The following KDM4C variants were observed in gnomAD, a reference collection of about 807,000 sequenced individuals.
KDM4C encodes the protein lysine-specific demethylase 4C.
Under a neutral mutation model 129.3 loss-of-function variants are expected in KDM4C, and 81 were observed. The ratio of observed to expected loss-of-function variants is 0.63; its 90% CI spans 0.52 to 0.75. KDM4C has a LOEUF of 0.75. Among genes scored for constraint, KDM4C ranks in the 30% least tolerant of loss-of-function variants. The pLI, the probability that KDM4C is intolerant of heterozygous loss-of-function variation, is 0.00. For synonymous variants in KDM4C, 573 were observed against 456.1 expected (o/e 1.26, Z -3.26); for missense variants, 1,457 against 1,304.0 (o/e 1.12, Z -1.81).
intron 17 of KDM4C, among the ~76,000 whole-genome samples, chr9:7,092,240 A>AAGTAC (rs1835892951): frequency 6.6e-6 from 1 of 152,136 alleles, no homozygotes; most frequent in African/African-American, 2.4e-5. Context: ...TAATCCTCTG[A>AAGTAC]AGTACAGCTG....
intron 8 of KDM4C, among the ~76,000 whole-genome samples, chr9:6,944,635 T>G (rs1289081403): frequency 6.8e-6 from 1 of 146,392 alleles, no homozygotes; most frequent in Non-Finnish European, 1.5e-5. Context: ...AGCAACACAC[T>G]TTTTGTCAAG....
At chr9:6,879,696 GAGGGTCTCT>G (rs1230117495) in intron 5 of KDM4C, among the ~76,000 whole-genome samples, 1 of 152,206 alleles carries the variant, frequency 6.6e-6, no homozygotes, top group Non-Finnish European at 1.5e-5. Context: ...AGCTGGCACA[GAGGGTCTCT>G]AGGCTGTGAC....
At chr9:6,950,178 G>A (rs1283745107) in intron 8 of KDM4C, among the ~76,000 whole-genome samples, 1 of 149,160 alleles carries the variant, frequency 6.7e-6, no homozygotes, top group Non-Finnish European at 1.5e-5. Context: ...TAAATATTTT[G>A]AAATGATTAG....
chr9:6,949,454 G>A (rs1045087480), intron 8 of KDM4C, among the ~76,000 whole-genome samples: 2 of 152,174 alleles, frequency 1.3e-5, no homozygotes, highest in Admixed American at 6.5e-5. Flanking sequence ...CTGGGCAGAG[G>A]CTGTAATCTC....
At chr9:7,167,280 C>A (rs1424010843) in intron 20 of KDM4C, among the ~76,000 whole-genome samples, 3 of 152,150 alleles carry the variant, frequency 2.0e-5, no homozygotes, top group Non-Finnish European at 4.4e-5. Context: ...TGGGACCATC[C>A]CTGATTTTAG....
At chr9:6,926,367 A>C (rs1822559251) in intron 8 of KDM4C, among the ~76,000 whole-genome samples, 1 of 151,096 alleles carries the variant, frequency 6.6e-6, no homozygotes, top group African/African-American at 2.4e-5. Context: ...GACCAAAATA[A>C]AAATGAATGA....
intron 8 of KDM4C, among the ~76,000 whole-genome samples, chr9:6,935,491 A>C (rs1277668238): frequency 6.6e-6 from 1 of 151,078 alleles, no homozygotes; most frequent in East Asian, 1.9e-4. Context: ...ATCTCAGTTC[A>C]CTGCAATCTC....
intron 17 of KDM4C, among the ~76,000 whole-genome samples, chr9:7,087,089 CTT>C (rs56161284): frequency 2.1e-5 from 3 of 145,488 alleles, no homozygotes; most frequent in Non-Finnish European, 3.0e-5. Context: ...TTACGTGGCT[CTT>C]TTTTTTTTTT....
intron 8 of KDM4C, among the ~76,000 whole-genome samples, chr9:6,898,710 G>T (rs1208843426): frequency 6.6e-6 from 1 of 152,162 alleles, no homozygotes; most frequent in Non-Finnish European, 1.5e-5. Context: ...TAGCATGTAA[G>T]TGCCATGATG....
At chr9:6,850,929 A>G (rs899078362) in intron 5 of KDM4C, among the ~76,000 whole-genome samples, 2 of 141,708 alleles carry the variant, frequency 1.4e-5, no homozygotes, top group African/African-American at 2.7e-5. Flanking sequence ...TAATTTTTGT[A>G]TTTTTAGTAG....
At chr9:6,972,206 A>AG (rs1398472910) in intron 8 of KDM4C, among the ~76,000 whole-genome samples, 2 of 152,064 alleles carry the variant, frequency 1.3e-5, no homozygotes, top group South Asian at 2.1e-4. Flanking sequence ...CCATCTATTT[A>AG]GGGGGGAGCC....
At chr9:7,149,947 T>G (rs1293039758) in intron 19 of KDM4C, among the ~76,000 whole-genome samples, 1 of 152,148 alleles carries the variant, frequency 6.6e-6, no homozygotes, top group Non-Finnish European at 1.5e-5. Context: ...CTTTCAGGAG[T>G]TGAACTTGGA....
chr9:6,986,060 G>T (rs772003769), intron 10 of KDM4C, among the ~76,000 whole-genome samples: 3 of 152,164 alleles, frequency 2.0e-5, no homozygotes, highest in Non-Finnish European at 4.4e-5. Context: ...TTTTGCCTAA[G>T]GGCCCTGAAT....
At chr9:7,066,312 G>C (rs138020300) in intron 17 of KDM4C, among the ~76,000 whole-genome samples, 1 of 152,038 alleles carries the variant, frequency 6.6e-6, no homozygotes, top group Non-Finnish European at 1.5e-5. Context: ...TCTCCACCCC[G>C]CAAAGGATTT....
At chr9:7,156,720 T>C (rs1160217921) in intron 19 of KDM4C, among the ~76,000 whole-genome samples, 1 of 152,254 alleles carries the variant, frequency 6.6e-6, no homozygotes, top group Admixed American at 6.5e-5. Context: ...ATATCTCTGT[T>C]TTGGTACCAG....
chr9:6,817,750 A>G (rs1172008802), intron 4 of KDM4C, among the ~76,000 whole-genome samples: 2 of 150,740 alleles, frequency 1.3e-5, no homozygotes, highest in Non-Finnish European at 2.9e-5. Flanking sequence ...TAAGGTTATC[A>G]AACAGGAATA....
At chr9:6,721,438 G>A (rs13292272) in intron 1 of KDM4C, among the ~76,000 whole-genome samples, 13,125 of 151,118 alleles carry the variant, frequency 0.087, 753 homozygotes, top group Non-Finnish European at 0.12. Context: ...CATGTGCCAC[G>A]ACACCTGACT....
intron 8 of KDM4C, among the ~76,000 whole-genome samples, chr9:6,978,456 C>T (rs1589426207): frequency 2.0e-5 from 3 of 152,274 alleles, no homozygotes; most frequent in South Asian, 4.1e-4. Context: ...ATTTAATCCT[C>T]AAGTAACAAA....
At chr9:7,011,422 G>T (rs10975972) in intron 12 of KDM4C, among the ~76,000 whole-genome samples, 1 of 152,118 alleles carries the variant, frequency 6.6e-6, no homozygotes, top group Admixed American at 6.5e-5. Context: ...GTGGGAAGGA[G>T]GGAACAGTGT....
Sources: allele counts gnomAD v4.1 joint callset (sites outside exome capture counted in the v4.1 genomes callset), GRCh38; gene constraint gnomAD v4.1.1; transcripts MANE v1.5; gene names NCBI Gene and HGNC (gene_info 2026-07-23, HGNC 2026-07-21).